Variants in C22orf31 observed in about 807,000 individuals in gnomAD.
The protein encoded by C22orf31 is uncharacterized protein C22orf31.
A neutral mutation model predicts 15.0 loss-of-function variants in C22orf31; 11 were observed. The ratio of observed to expected loss-of-function variants is 0.73; its 90% CI spans 0.46 to 1.21. The LOEUF (loss-of-function observed/expected upper bound fraction) is 1.21. C22orf31 is among the 50% of genes most tolerant of loss of function. The pLI, the probability that C22orf31 is intolerant of heterozygous loss-of-function variation, is 0.00. For synonymous variants in C22orf31, 132 were observed against 133.3 expected (o/e 0.99, Z 0.07); for missense variants, 340 against 347.2 (o/e 0.98, Z 0.17).
chr22:29,063,132 C>T (rs1252630681), upstream of C22orf31, among the ~76,000 whole-genome samples: 1 of 152,100 alleles, frequency 6.6e-6, no homozygotes, highest in Non-Finnish European at 1.5e-5. Context: ...TCTTTCCACA[C>T]ACTCATCCGT....
the C22orf31 span, among the ~76,000 whole-genome samples, chr22:29,067,097 A>G: frequency 6.6e-6 from 1 of 152,228 alleles, no homozygotes; most frequent in East Asian, 1.9e-4. Context: ...GGCTGAAGGA[A>G]AATCGGGAAT....
the C22orf31 span, among the ~76,000 whole-genome samples, chr22:29,070,737 C>T: frequency 6.6e-6 from 1 of 152,000 alleles, no homozygotes; most frequent in African/African-American, 2.4e-5. Flanking sequence ...CCAGTGTGGG[C>T]GACAGACGGA....
In C22orf31 at chr22:29,058,907, G is replaced by T. The variant is rs1361904591; in HGVS notation, c.708C>A (p.Ser236Arg). Residue 236 changes from serine to arginine, a missense_variant, in exon 3 of 3, where the codon AGC becomes AGA. Physicochemically the swap from Ser to Arg is moderately radical, Grantham distance 110. Coordinates refer to ENST00000216071, the MANE Select transcript of C22orf31 (RefSeq NM_015370.2). ...GTTTAATGGCCTTGCCCAGCTCCAG[G>T]CTGTACCTCTTGGGGGTCCCTGAAG... ...WNPSGTPKRY[S>R]LELGKAIKQK... is the part of the protein sequence containing the mutation. 6.2e-7 allele frequency: 1 copy of T among 1,614,200 alleles called. No homozygotes were observed. Among genetic ancestry groups the T allele is most frequent in the East Asian group, 2.2e-5 (1 of 44,882 alleles).
At chr22:29,066,568 T>C (rs1466095081), upstream of C22orf31, among the ~76,000 whole-genome samples, 3 of 61,414 alleles carry the variant, frequency 4.9e-5, 1 homozygote, top group South Asian at 4.9e-4. Context: ...TTTTTTTTTT[T>C]TTTTTTTTTT....
upstream of C22orf31, among the ~76,000 whole-genome samples, chr22:29,064,357 C>G (rs545679686): frequency 6.6e-6 from 1 of 152,298 alleles, no homozygotes; most frequent in African/African-American, 2.4e-5. Flanking sequence ...CAAGTGAATT[C>G]ATACCCCTGA....
the C22orf31 span, among the ~76,000 whole-genome samples, chr22:29,073,885 G>C: frequency 7.9e-3 from 1,195 of 152,166 alleles, 12 homozygotes; most frequent in African/African-American, 0.027. The surrounding 1 kb of genome is among the most constrained non-coding windows in gnomAD (Gnocchi z 4.4). Flanking sequence ...ACCTTGCACC[G>C]GGACGACTCC....
chr22:29,062,362 G>C (rs1687108288), upstream of C22orf31, among the ~76,000 whole-genome samples: 1 of 152,142 alleles, frequency 6.6e-6, no homozygotes, highest in African/African-American at 2.4e-5. Context: ...CGTTCCTGCA[G>C]ACCTGGGCAC....
At chr22:29,066,344 A>G (rs1162905023), upstream of C22orf31, among the ~76,000 whole-genome samples, 1 of 152,076 alleles carries the variant, frequency 6.6e-6, no homozygotes, top group Non-Finnish European at 1.5e-5. Flanking sequence ...ATGGGAAAGA[A>G]TTGGAAAAGA....
chr22:29,070,667 G>A, the C22orf31 span, among the ~76,000 whole-genome samples: 1 of 152,206 alleles, frequency 6.6e-6, no homozygotes, highest in African/African-American at 2.4e-5. Context: ...GCTGAAGCGG[G>A]AGGATCACTG....
At chr22:29,073,275 G>T in the C22orf31 span, 1 of 894,128 alleles carries the variant, frequency 1.1e-6, no homozygotes, top group Non-Finnish European at 1.4e-6. The surrounding 1 kb of genome is among the most constrained non-coding windows in gnomAD (Gnocchi z 4.4). Context: ...GAGCCCACTC[G>T]AGGGGCGACA....
In C22orf31 at chr22:29,058,689, T is replaced by C. The variant is rs2037342505; in HGVS notation, c.*53A>G. The C allele has an allele frequency of 5.7e-6, 8 of 1,408,262 alleles. No homozygotes were observed. The highest frequency in any genetic ancestry group is 6.8e-6 in the Non-Finnish European group (7 of 1,028,078). 87.2% of individuals were successfully genotyped at this position (1,408,262 alleles called of 1,614,324 possible). On this transcript the variant is annotated 3_prime_UTR_variant, in exon 3 of 3. Coordinates refer to ENST00000216071, the MANE Select transcript of C22orf31 (RefSeq NM_015370.2). ...ATAACACGGAAGGTGCAAAGTTGTG[T>C]TTATTTTTCAGATCTCTAGCAGAGA...
chr22:29,060,036 T>TA (rs1438153993), intron 2 of C22orf31: 10 of 895,158 alleles, frequency 1.1e-5, no homozygotes, highest in African/African-American at 1.0e-4. Flanking sequence ...TTTTTTTTTT[T>TA]TTTTTTTATT....
At chr22:29,066,354 A>T (rs569648553), upstream of C22orf31, among the ~76,000 whole-genome samples, 4 of 152,172 alleles carry the variant, frequency 2.6e-5, no homozygotes, top group South Asian at 4.2e-4. Flanking sequence ...ATTGGAAAAG[A>T]TTCCTGAACT....
intron 1 of C22orf31, 117 bp from the exon 2 acceptor site, chr22:29,060,960 A>G (rs1470659165): frequency 1.3e-5 from 11 of 854,846 alleles, no homozygotes; most frequent in Non-Finnish European, 2.0e-5. Context: ...CCTTCCACCC[A>G]GTTCTTAGAA....
chr22:29,063,747 C>G (rs1043017630), upstream of C22orf31, among the ~76,000 whole-genome samples: 4 of 152,220 alleles, frequency 2.6e-5, no homozygotes, highest in Non-Finnish European at 5.9e-5. Context: ...ACCAACCATC[C>G]TATGAGTTTG....
chr22:29,067,568 C>T, the C22orf31 span, among the ~76,000 whole-genome samples: 1 of 152,164 alleles, frequency 6.6e-6, no homozygotes, highest in East Asian at 1.9e-4. Flanking sequence ...GTTAGCCTTC[C>T]AAGTAGCTGG....
chr22:29,062,928 A>C (rs550839002), upstream of C22orf31, among the ~76,000 whole-genome samples: 55 of 152,216 alleles, frequency 3.6e-4, no homozygotes, highest in African/African-American at 1.3e-3. Flanking sequence ...CTGGGCAGGC[A>C]AGAGTCTTTT....
In C22orf31 at chr22:29,060,445, C is replaced by T; in HGVS notation, c.402G>A (p.Gly134=). The change falls in exon 2 of 3, where the codon GGG becomes GGA. Residue 134 remains glycine (G), a synonymous_variant. Transcript: ENST00000216071. ...FISSKSKQPA[G]HRRPAGGIRE... is the part of the protein sequence containing the mutation. ...TGATGCCTCCTGCAGGCCTCCTATGCCCTGCTGGCTGCTTGCTCTTGGAAC... is the reference window on the plus strand; with the variant it reads ...TGATGCCTCCTGCAGGCCTCCTATGTCCTGCTGGCTGCTTGCTCTTGGAAC... 1 of 1,613,578 alleles carries T rather than the reference C, an allele frequency of 6.2e-7. No individual in the cohort carries two copies. The highest frequency in any genetic ancestry group is 8.5e-7 in the Non-Finnish European group (1 of 1,179,912).
In C22orf31 at chr22:29,058,696, T is replaced by C. The variant is rs1333401599; in HGVS notation, c.*46A>G. The C allele has an allele frequency of 2.1e-6, 3 of 1,442,424 alleles. No individual in the cohort carries two copies. The highest frequency in any genetic ancestry group is 2.8e-6 in the Non-Finnish European group (3 of 1,057,492). 89.4% of individuals were successfully genotyped at this position (1,442,424 alleles called of 1,614,324 possible). The stretch of plus-strand genomic sequence containing the variant: ...GGAAGGTGCAAAGTTGTGTTTATTT[T>C]TCAGATCTCTAGCAGAGAATACTCT... On this transcript the variant is annotated 3_prime_UTR_variant, in exon 3 of 3. Coordinates refer to ENST00000216071, the MANE Select transcript of C22orf31 (RefSeq NM_015370.2).
Sources: allele counts gnomAD v4.1 joint callset (sites outside exome capture counted in the v4.1 genomes callset), GRCh38; gene constraint gnomAD v4.1.1; non-coding constraint Gnocchi (gnomAD v3.1); transcripts MANE v1.5; gene names NCBI Gene and HGNC (gene_info 2026-07-23, HGNC 2026-07-21).